Variants in ARHGAP1 observed in about 807,000 individuals in gnomAD.
ARHGAP1 encodes the protein Rho GTPase activating protein 1.
ARHGAP1 carries 23 observed loss-of-function variants against 52.2 expected under a neutral mutation model. The observed-to-expected ratio is 0.44, with a 90% CI of 0.32 to 0.62. The LOEUF (loss-of-function observed/expected upper bound fraction) is 0.62, where lower values mean the gene tolerates loss of function less well. ARHGAP1 is among the 20% of genes least tolerant of loss of function. ARHGAP1 has a pLI of 0.05. For missense variants in ARHGAP1, 480 were observed against 560.9 expected, an observed-to-expected ratio of 0.86 and a Z score of 1.46; for synonymous variants, 210 against 228.4, an observed-to-expected ratio of 0.92 and a Z score of 0.73.
In ARHGAP1 at chr11:46,681,971, G is replaced by A. The variant is rs1352296983; in HGVS notation, c.449+80C>T. 2.5e-6 allele frequency: 4 copies of A among 1,588,682 alleles called. No individual in the cohort carries two copies. The African/African-American group carries it at 4.0e-5, about 16-fold the overall frequency. On this transcript the variant is annotated intron_variant, in intron 5 of 12. Transcript: ENST00000311956. This position sits in a 1 kb window ranked among gnomAD's most constrained non-coding sequence, Gnocchi z 5.7. ...ACCCCCTGCCTTGGAATAAGCTCCT[G>A]CCCAAGTGGAGGGCAGCCCGGAAGC...
chr11:46,694,175 C>A (rs970662741), intron 3 of ARHGAP1, among the ~76,000 whole-genome samples: 1 of 152,174 alleles, frequency 6.6e-6, no homozygotes, highest in African/African-American at 2.4e-5. Context: ...GAGGCCATTG[C>A]CCAAGGCCAG....
At chr11:46,695,091 TC>T (rs1244279810) in intron 3 of ARHGAP1, 2 of 191,442 alleles carry the variant, frequency 1.0e-5, no homozygotes, top group Admixed American at 5.3e-5. Flanking sequence ...TTCTTCTGGG[TC>T]CCCCCTTATG....
intron 3 of ARHGAP1, among the ~76,000 whole-genome samples, chr11:46,690,386 C>CA (rs1054961969): frequency 2.4e-4 from 33 of 138,518 alleles, no homozygotes; most frequent in Non-Finnish European, 2.2e-4. Context: ...GACTCCGTCT[C>CA]AAAAAAAAAA....
chr11:46,691,103 G>C (rs1163513730), intron 3 of ARHGAP1, among the ~76,000 whole-genome samples: 1 of 152,114 alleles, frequency 6.6e-6, no homozygotes, highest in Admixed American at 6.6e-5. Context: ...GCCCAGGCTA[G>C]TCTTGAACTC....
chr11:46,681,264 G>A lies in ARHGAP1; in HGVS notation c.536+29C>T. 6 of 1,595,430 alleles carry A rather than the reference G, an allele frequency of 3.8e-6. No individual in the cohort carries two copies. Among genetic ancestry groups the A allele is most frequent in the Non-Finnish European group, 5.2e-6 (6 of 1,163,080 alleles). ...AGCTTCAGAGTTCCAGGCAAGCCGG[G>A]ACCACCAGCCCTGCCCGTGGCCACT... On this transcript the variant is annotated intron_variant, in intron 6 of 12. Coordinates refer to ENST00000311956, the MANE Select transcript of ARHGAP1 (RefSeq NM_004308.5). The surrounding 1 kb of genome is among the most constrained non-coding windows in gnomAD (Gnocchi z 5.7).
Position 46,679,830 on chromosome 11 carries a change from A to G in ARHGAP1, c.899-54T>C. 1 of 1,608,006 alleles carries G rather than the reference A, an allele frequency of 6.2e-7. No homozygotes were observed. The highest frequency in any genetic ancestry group is 1.3e-5 in the African/African-American group (1 of 74,964). On this transcript the variant is annotated intron_variant, in intron 10 of 12. Coordinates refer to ENST00000311956, the MANE Select transcript of ARHGAP1 (RefSeq NM_004308.5). This position sits in a 1 kb window ranked among gnomAD's most constrained non-coding sequence, Gnocchi z 4.4. ...CGGCACAGCCTGAAGGGCAGCACCC[A>G]TCTGCAGACAACGCGGGCCGCACTG... is the stretch of plus-strand genomic sequence containing the variant.
At position 46,688,021 on chromosome 11, in the gene ARHGAP1, C is replaced by G; in HGVS notation, c.317+152G>C. On this transcript the variant is annotated intron_variant, in intron 4 of 12. Transcript: ENST00000311956. The stretch of plus-strand genomic sequence containing the variant: ...CTGACTCCTCGTCCAGTGCTCTCCC[C>G]TAAATATAAACCAGCTCCTTCATGA... 5.6e-6 allele frequency: 4 copies of G among 716,434 alleles called. No homozygotes were observed. In the Admixed American group the frequency reaches 1.1e-4, roughly 20 times the overall value. The allele number at this position is 716,434 out of a possible 1,614,324, so 44.4% of individuals were successfully genotyped here.
At position 46,681,227 on chromosome 11, in the gene ARHGAP1, G is replaced by T. The variant is rs1416075202; in HGVS notation, c.536+66C>A. ...AGCCGCACCTGGTGGTCCCCAGGCTGCCCAGCCTCCCAGCTTCAGAGTTCC... is the reference window on the plus strand; with the variant it reads ...AGCCGCACCTGGTGGTCCCCAGGCTTCCCAGCCTCCCAGCTTCAGAGTTCC... On this transcript the variant is annotated intron_variant, in intron 6 of 12. Coordinates refer to ENST00000311956, the MANE Select transcript of ARHGAP1 (RefSeq NM_004308.5). This position sits in a 1 kb window ranked among gnomAD's most constrained non-coding sequence, Gnocchi z 5.7. The T allele has an allele frequency of 1.3e-5, 20 of 1,557,044 alleles. No individual in the cohort carries two copies. The highest frequency in any genetic ancestry group is 1.7e-4 in the Middle Eastern group (1 of 5,934).
At chr11:46,691,805 C>G (rs975688352) in intron 3 of ARHGAP1, among the ~76,000 whole-genome samples, 1 of 152,150 alleles carries the variant, frequency 6.6e-6, no homozygotes, top group Admixed American at 6.6e-5. Flanking sequence ...CCAGGCTGGT[C>G]TCCAACTCCT....
At chr11:46,690,566 T>C (rs1380119294) in intron 3 of ARHGAP1, among the ~76,000 whole-genome samples, 1 of 152,130 alleles carries the variant, frequency 6.6e-6, no homozygotes, top group Non-Finnish European at 1.5e-5. Context: ...TGGTTCTGAT[T>C]GACTTCTGTA....
chr11:46,678,373 T>C lies in ARHGAP1; in HGVS notation c.*664A>G, dbSNP rs2064497291. 5.9e-6 allele frequency: 1 copy of C among 168,218 alleles called. No individual in the cohort carries two copies. Among genetic ancestry groups the C allele is most frequent in the South Asian group, 1.2e-4 (1 of 8,174 alleles). The allele number at this position is 168,218 out of a possible 1,614,324, so 10.4% of individuals were successfully genotyped here. ...TACCAGTCCCTGCACAACCAAGGGG[T>C]TAGGACACCCCAGGGGCAGTATCAC... On this transcript the variant is annotated 3_prime_UTR_variant, in exon 13 of 13. Transcript: ENST00000311956.
chr11:46,682,214 C>A, intron 4 of ARHGAP1, 32 bp from the exon 5 acceptor site: 2 of 1,611,932 alleles, frequency 1.2e-6, no homozygotes, highest in Non-Finnish European at 1.7e-6. Context: ...CAGGCCTGCC[C>A]TGTGCACAGG....
chr11:46,696,293 G>C lies in ARHGAP1; in HGVS notation c.-49-137C>G. ...CTATTCCTCAACACTCCTCATCCCC[G>C]CCAAGAGCTCCACGTAGCTCTGGGT... On this transcript the variant is annotated intron_variant, in intron 1 of 12. Transcript: ENST00000311956. This position sits in a 1 kb window ranked among gnomAD's most constrained non-coding sequence, Gnocchi z 4.8. The C allele has an allele frequency of 3.2e-6, 2 of 617,554 alleles. No individual in the cohort carries two copies. The highest frequency in any genetic ancestry group is 2.8e-6 in the Non-Finnish European group (1 of 360,154). The allele number at this position is 617,554 out of a possible 1,614,324, so 38.3% of individuals were successfully genotyped here.
rs957008670 is a variant in ARHGAP1, at chr11:46,678,992, A to T, written c.*45T>A. ...CCCCTGATGCCAGGAGGAAGAGTCC[A>T]AACCCGGGCTACCAGAGAAGGGGCT... On this transcript the variant is annotated 3_prime_UTR_variant, in exon 13 of 13. Coordinates refer to ENST00000311956, the MANE Select transcript of ARHGAP1 (RefSeq NM_004308.5). 1.9e-6 allele frequency: 3 copies of T among 1,602,392 alleles called. No individual in the cohort carries two copies. The African/African-American group carries it at 4.0e-5, about 21-fold the overall frequency.
At position 46,680,594 on chromosome 11, in the gene ARHGAP1, G is replaced by T. The variant is rs369496144; in HGVS notation, c.744-31C>A. ...GGAAAAAGGCTGGTGAGCCGGGCCT[G>T]CAGCCCTTCCCGCCCCGCCGTGGCC... On this transcript the variant is annotated intron_variant, in intron 8 of 12. Coordinates refer to ENST00000311956, the MANE Select transcript of ARHGAP1 (RefSeq NM_004308.5). This position sits in a 1 kb window ranked among gnomAD's most constrained non-coding sequence, Gnocchi z 5.9. 4.0e-4 allele frequency: 648 copies of T among 1,613,440 alleles called. 4 individuals are homozygous for T. The highest frequency in any genetic ancestry group is 2.3e-3 in the South Asian group (210 of 91,076).
chr11:46,690,121 AG>A (rs1213770278), intron 3 of ARHGAP1, among the ~76,000 whole-genome samples: 3 of 151,038 alleles, frequency 2.0e-5, no homozygotes, highest in Non-Finnish European at 4.4e-5. Context: ...TCACGCCTGT[AG>A]TCCCAACACT....
Position 46,680,389 on chromosome 11 carries a change from G to C in ARHGAP1, c.820+98C>G, listed in dbSNP as rs2064515270. The C allele has an allele frequency of 3.8e-6, 6 of 1,577,860 alleles. 1 individual carries two copies. Among genetic ancestry groups the C allele is most frequent in the Non-Finnish European group, 1.7e-6 (2 of 1,148,558 alleles). On this transcript the variant is annotated intron_variant, in intron 9 of 12. Coordinates refer to ENST00000311956, the MANE Select transcript of ARHGAP1 (RefSeq NM_004308.5). This position sits in a 1 kb window ranked among gnomAD's most constrained non-coding sequence, Gnocchi z 5.9. ...AGGCAGGGCTGGGTGGGGACGTTGA[G>C]GCTTGCAGGACCTCCCTCTGCCCTG...
At chr11:46,698,447 CA>C (rs879705741) in intron 1 of ARHGAP1, among the ~76,000 whole-genome samples, 241 of 134,936 alleles carry the variant, frequency 1.8e-3, no homozygotes, top group Middle Eastern at 3.7e-3. Flanking sequence ...ACTAAAAGTA[CA>C]AAAAAAAAAA....
At chr11:46,700,139 A>G (rs1332543095) in intron 1 of ARHGAP1, among the ~76,000 whole-genome samples, 1 of 152,148 alleles carries the variant, frequency 6.6e-6, no homozygotes, top group Non-Finnish European at 1.5e-5. Flanking sequence ...CCTGGGCAAT[A>G]AGAGTGAAAC....
Sources: allele counts gnomAD v4.1 joint callset (sites outside exome capture counted in the v4.1 genomes callset), GRCh38; gene constraint gnomAD v4.1.1; non-coding constraint Gnocchi (gnomAD v3.1); transcripts MANE v1.5; gene names NCBI Gene and HGNC (gene_info 2026-07-23, HGNC 2026-07-21).